PAAF1: variants seen among roughly 807,000 people sequenced by gnomAD.
The protein encoded by PAAF1 is proteasomal ATPase associated factor 1.
Under a neutral mutation model 52.8 loss-of-function variants are expected in PAAF1, and 46 were observed. The observed-to-expected ratio is 0.87, with a 90% CI of 0.69 to 1.11. The LOEUF is 1.11. Ranked by LOEUF, PAAF1 falls within the 50% of genes most tolerant of loss-of-function variation. The pLI, the probability that PAAF1 is intolerant of heterozygous loss-of-function variation, is 0.00. For synonymous variants in PAAF1, 178 were observed against 172.8 expected (o/e 1.03, Z -0.24); for missense variants, 424 against 477.4 (o/e 0.89, Z 1.04).
intron 4 of PAAF1, among the ~76,000 whole-genome samples, chr11:73,897,876 C>G (rs990536197): frequency 2.7e-5 from 3 of 109,248 alleles, no homozygotes; most frequent in African/African-American, 1.5e-4. Context: ...CACCACTGCA[C>G]TCCAGCCTGG....
chr11:73,889,157 T>G, intron 3 of PAAF1: 1 of 1,522,784 alleles, frequency 6.6e-7, no homozygotes, highest in Non-Finnish European at 8.8e-7. Flanking sequence ...ACTTCTTTCT[T>G]CCCTTCATAC....
intron 2 of PAAF1, chr11:73,886,982 A>G: frequency 2.3e-6 from 1 of 440,610 alleles, no homozygotes; most frequent in Non-Finnish European, 4.5e-6. Context: ...TTCCTCTCTC[A>G]CCATGTGATC....
At chr11:73,883,583 G>A (rs867864661) in intron 2 of PAAF1, among the ~76,000 whole-genome samples, 1 of 151,390 alleles carries the variant, frequency 6.6e-6, no homozygotes, top group Non-Finnish European at 1.5e-5. Flanking sequence ...GCACAATCTC[G>A]GCTCCTCACT....
intron 10 of PAAF1, chr11:73,922,018 CA>C: frequency 1.2e-6 from 1 of 813,798 alleles, no homozygotes; most frequent in South Asian, 1.3e-5. Flanking sequence ...TTCTTAACTT[CA>C]TAGTTTTTGA....
At position 73,914,510 on chromosome 11, in the gene PAAF1, TG is replaced by T; in HGVS notation, c.819+8del. The T allele has an allele frequency of 6.2e-7, 1 of 1,613,744 alleles. No homozygotes were observed. The highest frequency in any genetic ancestry group is 2.2e-5 in the East Asian group (1 of 44,864). On this transcript the variant is annotated splice_region_variant and intron_variant, in intron 8 of 11. Transcript: ENST00000310571. Reference sequence around the variant, plus strand: ...GACTACAGAGCAGGCAGCTGGCAAGTGGTTCCTATATGACCTTTGAACTCTG... The same window carrying T: ...GACTACAGAGCAGGCAGCTGGCAAGTGTTCCTATATGACCTTTGAACTCTG...
chr11:73,889,047 CT>C (rs1949134355), intron 3 of PAAF1: 1 of 655,368 alleles, frequency 1.5e-6, no homozygotes, highest in Admixed American at 2.5e-5. Flanking sequence ...CAAAGACAGA[CT>C]GTATGCTGGA....
intron 2 of PAAF1, 57 bp from the exon 3 acceptor site, chr11:73,887,295 AAG>A (rs775960411): frequency 1.1e-5 from 15 of 1,362,426 alleles, no homozygotes; most frequent in Non-Finnish European, 1.3e-5. Context: ...TGGGTCTTCA[AAG>A]AGAAAAATAA....
At chr11:73,904,101 A>G (rs1347816952) in intron 6 of PAAF1, among the ~76,000 whole-genome samples, 1 of 151,896 alleles carries the variant, frequency 6.6e-6, no homozygotes, top group African/African-American at 2.4e-5. Context: ...AAAAAAGTAT[A>G]TATATATACA....
At chr11:73,925,330 C>A (rs952711739) in intron 11 of PAAF1, among the ~76,000 whole-genome samples, 1 of 151,720 alleles carries the variant, frequency 6.6e-6, no homozygotes, top group African/African-American at 2.4e-5. Flanking sequence ...CATGGTGGCA[C>A]ACACACCTGT....
rs1950427296 is a variant in PAAF1 at position 73,929,578 on chromosome 11, G to A, written c.*2216G>A. ...ATACCAGAGGCTTCATTTGGACCTT[G>A]GACAGCACCTTCTGCTGCACTGTGT... On this transcript the variant is annotated 3_prime_UTR_variant, in exon 12 of 12. Transcript: ENST00000310571. The A allele has an allele frequency of 1.3e-5, 2 of 152,216 alleles. No homozygotes were observed. The highest frequency in any genetic ancestry group is 1.3e-4 in the Admixed American group (2 of 15,288). 9.4% of individuals were successfully genotyped at this position (152,216 alleles called of 1,614,324 possible). A position where few individuals can be genotyped will look rare whatever the true frequency, so the allele number is the denominator to read the frequency against.
chr11:73,878,713 C>A, intron 1 of PAAF1, 66 bp from the exon 2 acceptor site: 1 of 1,461,426 alleles, frequency 6.8e-7, no homozygotes, highest in Non-Finnish European at 9.5e-7. Flanking sequence ...TTCTTTCTTC[C>A]CTTGTAACTA....
At chr11:73,922,166 C>T in intron 10 of PAAF1, 1 of 901,058 alleles carries the variant, frequency 1.1e-6, no homozygotes, top group South Asian at 1.3e-5. Flanking sequence ...TGTCAGGATC[C>T]ATGAGAGAAG....
Position 73,885,017 on chromosome 11 carries a change from G to A in PAAF1, c.89-2337G>A, listed in dbSNP as rs1008907019. ...TGGGACTACAGGCGCCCGCCACTAC[G>A]CCCGGCTAATTTTTTGTATTTTTAG... On this transcript the variant is annotated intron_variant, in intron 2 of 11. Transcript: ENST00000310571. 1.1e-3 allele frequency among the ~76,000 whole-genome samples: 164 copies of A among 150,920 alleles called. 1 individual carries two copies. Among genetic ancestry groups the A allele is most frequent in the East Asian group, 7.8e-4 (4 of 5,114 alleles).
In PAAF1 at chr11:73,927,474, C is replaced by A; in HGVS notation, c.*112C>A. 1.1e-6 allele frequency: 1 copy of A among 883,770 alleles called. No homozygotes were observed. Among genetic ancestry groups the A allele is most frequent in the Non-Finnish European group, 1.8e-6 (1 of 553,604 alleles). 54.7% of individuals were successfully genotyped at this position (883,770 alleles called of 1,614,324 possible). A position where few individuals can be genotyped will look rare whatever the true frequency, so the allele number is the denominator to read the frequency against. ...CATGGCGTTTAATGTCTTGGGCACC[C>A]CTTGGAAATCACAGAAAGTCAGCTG... On this transcript the variant is annotated 3_prime_UTR_variant, in exon 12 of 12. Transcript: ENST00000310571.
intron 8 of PAAF1, 111 bp from the exon 9 acceptor site, chr11:73,916,434 A>C (rs2135217912): frequency 3.1e-6 from 2 of 653,078 alleles, no homozygotes; most frequent in East Asian, 5.5e-5. Flanking sequence ...TTAAAGGGGG[A>C]AGGAAGAAAA....
At chr11:73,878,725 G>A in intron 1 of PAAF1, 54 bp from the exon 2 acceptor site, 1 of 1,536,160 alleles carries the variant, frequency 6.5e-7, no homozygotes, top group South Asian at 1.1e-5. Context: ...TTGTAACTAT[G>A]GGATCCTATT....
At chr11:73,898,706 C>G (rs1482191851) in intron 4 of PAAF1, among the ~76,000 whole-genome samples, 1 of 151,922 alleles carries the variant, frequency 6.6e-6, no homozygotes, top group Non-Finnish European at 1.5e-5. Context: ...CCCAGCTACT[C>G]GGGAGGCTGA....
At chr11:73,906,155 A>G in intron 6 of PAAF1, among the ~76,000 whole-genome samples, 1 of 150,824 alleles carries the variant, frequency 6.6e-6, no homozygotes, top group East Asian at 2.0e-4. Context: ...AGACTGAAAA[A>G]TCTTTTCTCT....
chr11:73,926,770 T>C (rs1427486310), intron 11 of PAAF1, among the ~76,000 whole-genome samples: 2 of 152,098 alleles, frequency 1.3e-5, no homozygotes, highest in Non-Finnish European at 2.9e-5. Context: ...ACATTTCCAT[T>C]GTACAAATGA....
Sources: gnomAD v4.1 joint callset for allele counts (sites outside exome capture counted in the v4.1 genomes callset) on GRCh38, gnomAD v4.1.1 for gene constraint, MANE v1.5 for transcripts, NCBI Gene and HGNC (gene_info 2026-07-23, HGNC 2026-07-21) for gene names.